The following TRPC5 variants were observed in gnomAD, a reference collection of about 807,000 sequenced individuals.
TRPC5 encodes the protein transient receptor potential cation channel subfamily C member 5, also known as short transient receptor potential channel 5.
A neutral mutation model predicts 56.5 loss-of-function variants in TRPC5; 9 were observed. The ratio of observed to expected loss-of-function variants is 0.16; its 90% CI spans 0.10 to 0.28. The LOEUF (loss-of-function observed/expected upper bound fraction) is 0.28. Among genes scored for constraint, TRPC5 ranks in the 10% least tolerant of loss-of-function variants. TRPC5 has a pLI of 1.00. For synonymous variants in TRPC5, 282 were observed against 278.5 expected (o/e 1.01, Z -0.13); for missense variants, 469 against 748.9 (o/e 0.63, Z 4.36).
intron 2 of TRPC5, among the ~76,000 whole-genome samples, chrX:111,913,959 C>CAA (rs55948877): frequency 1.4e-5 from 1 of 73,456 alleles, no homozygotes; most frequent in African/African-American, 5.3e-5. Flanking sequence ...GACTCAGTCT[C>CAA]AAAAAAAAAA....
In TRPC5 at chrX:111,772,686, C is replaced by T. The variant is rs1387541512; in HGVS notation, c.*3627G>A. On this transcript the variant is annotated 3_prime_UTR_variant, in exon 11 of 11. Coordinates refer to ENST00000262839, the MANE Select transcript of TRPC5 (RefSeq NM_012471.3). Reference sequence around the variant, plus strand: ...GACTCAAGTGAACCACCCATTTTGGCCTCCCAAAGTGCTGGGATTACAGGA... The same window carrying T: ...GACTCAAGTGAACCACCCATTTTGGTCTCCCAAAGTGCTGGGATTACAGGA... Among the ~76,000 whole-genome samples, 1 of 111,303 alleles carries T rather than the reference C, an allele frequency of 9.0e-6. No homozygotes were observed. The highest frequency in any genetic ancestry group is 9.6e-5 in the Admixed American group (1 of 10,405).
intron 2 of TRPC5, among the ~76,000 whole-genome samples, chrX:111,919,491 A>C (rs752004458): frequency 1.8e-5 from 2 of 112,274 alleles, no homozygotes; most frequent in Non-Finnish European, 3.8e-5. Context: ...CCATTATTGA[A>C]GTCAGTGAGA....
At chrX:111,787,796 T>A (rs1239435359) in intron 7 of TRPC5, among the ~76,000 whole-genome samples, 4 of 111,518 alleles carry the variant, frequency 3.6e-5, no homozygotes, top group Non-Finnish European at 7.5e-5. Flanking sequence ...TCTACACAAA[T>A]AACCTAGAAA....
At chrX:111,996,744 G>C (rs1283814431) in intron 1 of TRPC5, among the ~76,000 whole-genome samples, 2 of 111,984 alleles carry the variant, frequency 1.8e-5, no homozygotes, top group East Asian at 5.6e-4. Flanking sequence ...TAATGGCCTT[G>C]TCTCTTTTGA....
intron 1 of TRPC5, among the ~76,000 whole-genome samples, chrX:112,022,070 G>A (rs1364985255): frequency 8.9e-6 from 1 of 112,227 alleles, no homozygotes; most frequent in East Asian, 2.8e-4. Context: ...CCCCTAAAGG[G>A]TCTGGTTTCA....
intron 2 of TRPC5, among the ~76,000 whole-genome samples, chrX:111,951,688 C>T (rs771139233): frequency 9.0e-6 from 1 of 111,530 alleles, no homozygotes; most frequent in Non-Finnish European, 1.9e-5. Flanking sequence ...TTTTGTCTCT[C>T]CTTTTCTAGA....
At chrX:111,796,566 T>C (rs1921102069) in intron 7 of TRPC5, among the ~76,000 whole-genome samples, 1 of 112,249 alleles carries the variant, frequency 8.9e-6, no homozygotes, top group African/African-American at 3.2e-5. Flanking sequence ...GCCATTGAAG[T>C]CTATTTTCAG....
chrX:112,021,838 G>T (rs1278125612), intron 1 of TRPC5, among the ~76,000 whole-genome samples: 2 of 112,488 alleles, frequency 1.8e-5, no homozygotes, highest in Admixed American at 1.9e-4. Context: ...GTCAAAGAAT[G>T]ATTTTCATAT....
chrX:112,021,617 C>G (rs1376430389), intron 1 of TRPC5, among the ~76,000 whole-genome samples: 1 of 112,163 alleles, frequency 8.9e-6, no homozygotes, highest in Non-Finnish European at 1.9e-5. Context: ...TCATTATCAC[C>G]AATACCTTGC....
At chrX:111,983,443 G>T (rs1415383284) in intron 1 of TRPC5, among the ~76,000 whole-genome samples, 1 of 111,516 alleles carries the variant, frequency 9.0e-6, no homozygotes, top group Non-Finnish European at 1.9e-5. Flanking sequence ...CTCTGTTGAG[G>T]TAACCCTTTG....
At chrX:111,871,949 C>T (rs771859691) in intron 3 of TRPC5, among the ~76,000 whole-genome samples, 3 of 111,533 alleles carry the variant, frequency 2.7e-5, no homozygotes, top group African/African-American at 3.3e-5. Flanking sequence ...TATTAGTTCT[C>T]GCAGGGATGG....
At chrX:111,957,171 A>G (rs892835276) in intron 1 of TRPC5, among the ~76,000 whole-genome samples, 1 of 112,107 alleles carries the variant, frequency 8.9e-6, no homozygotes, top group Non-Finnish European at 1.9e-5. Flanking sequence ...TCAGAAGTGA[A>G]CATAGTGCTC....
intron 7 of TRPC5, among the ~76,000 whole-genome samples, chrX:111,788,247 G>A: frequency 8.9e-6 from 1 of 111,793 alleles, no homozygotes; most frequent in Non-Finnish European, 1.9e-5. Flanking sequence ...TGGGATGCAA[G>A]GCTGGTTCAA....
rs779843093 is a variant in TRPC5, at chrX:111,818,606, T to C, written c.1896+16315A>G. ...TACCACTTTTCTTTTCTTTTTCTCTTTTTTTTTTTTTTTTTTTAGACAGAG... is the reference window on the plus strand; with the variant it reads ...TACCACTTTTCTTTTCTTTTTCTCTCTTTTTTTTTTTTTTTTTAGACAGAG... On this transcript the variant is annotated intron_variant, in intron 7 of 10. Transcript: ENST00000262839. Among the ~76,000 whole-genome samples the C allele has an allele frequency of 3.1e-3, 297 of 96,935 alleles. 2 individuals carry two copies. Among genetic ancestry groups the C allele is most frequent in the African/African-American group, 0.01 (278 of 26,589 alleles). 84.2% of individuals were successfully genotyped at this position (96,935 alleles called of 115,157 possible).
At chrX:112,042,326 G>A (rs1018961153) in intron 1 of TRPC5, among the ~76,000 whole-genome samples, 1 of 111,404 alleles carries the variant, frequency 9.0e-6, no homozygotes, top group Non-Finnish European at 1.9e-5. Context: ...AACATTTGGA[G>A]GAAAAATAAA....
rs142738875 is a variant in TRPC5, at chrX:111,803,346, T to C, written c.1897-21208A>G. On this transcript the variant is annotated intron_variant, in intron 7 of 10. Coordinates refer to ENST00000262839, the MANE Select transcript of TRPC5 (RefSeq NM_012471.3). ...TGCATGTGCCTTTATGGTAGCATGA[T>C]TCATAATCCTTTGGGTATATACCCA... is the stretch of plus-strand genomic sequence containing the variant. Among the ~76,000 whole-genome samples the C allele has an allele frequency of 5.9e-3, 661 of 112,703 alleles. 4 individuals are homozygous for C. The highest frequency in any genetic ancestry group is 0.02 in the African/African-American group (621 of 31,045).
At chrX:111,803,701 GT>G (rs896692483) in intron 7 of TRPC5, among the ~76,000 whole-genome samples, 1 of 111,653 alleles carries the variant, frequency 9.0e-6, no homozygotes, top group African/African-American at 3.3e-5. Context: ...GGGGTTTTTT[GT>G]TTTTTTCTTG....
At chrX:112,040,537 G>C (rs1416185897) in intron 1 of TRPC5, among the ~76,000 whole-genome samples, 1 of 111,535 alleles carries the variant, frequency 9.0e-6, no homozygotes, top group Non-Finnish European at 1.9e-5. Flanking sequence ...TTTCCTGCTT[G>C]GTCCAGACAG....
intron 3 of TRPC5, among the ~76,000 whole-genome samples, chrX:111,901,032 GT>G (rs964015951): frequency 3.6e-5 from 4 of 111,662 alleles, no homozygotes; most frequent in Non-Finnish European, 7.5e-5. Flanking sequence ...AGATATGGAA[GT>G]GGGGCAGTAA....
Sources: gnomAD v4.1 joint callset for allele counts (sites outside exome capture counted in the v4.1 genomes callset) on GRCh38, gnomAD v4.1.1 for gene constraint, MANE v1.5 for transcripts, NCBI Gene and HGNC (gene_info 2026-07-23, HGNC 2026-07-21) for gene names.